The following TRPM1 variants were observed in gnomAD, a reference collection of about 807,000 sequenced individuals.
The protein encoded by TRPM1 is TRPM1-203 APA Isoform, Intron 10.
TRPM1 carries 113 observed loss-of-function variants against 149.4 expected under a neutral mutation model. The ratio of observed to expected loss-of-function variants is 0.76; its 90% CI spans 0.65 to 0.88. The LOEUF is 0.88. Ranked by LOEUF, TRPM1 falls within the 40% of genes least tolerant of loss-of-function variation. The pLI is 0.00. For missense variants in TRPM1, 1,976 were observed against 2,038.7 expected (o/e 0.97, Z 0.59); for synonymous variants, 741 against 759.5 (o/e 0.98, Z 0.40).
intron 1 of TRPM1, among the ~76,000 whole-genome samples, chr15:31,155,626 T>A (rs1192902169): frequency 6.6e-6 from 1 of 152,186 alleles, no homozygotes; most frequent in Non-Finnish European, 1.5e-5. Context: ...CAATTCTGTT[T>A]TACAGATGTT....
chr15:31,066,600 G>A (rs1300069562), intron 6 of TRPM1, among the ~76,000 whole-genome samples: 1 of 152,126 alleles, frequency 6.6e-6, no homozygotes, highest in Non-Finnish European at 1.5e-5. Flanking sequence ...TCCATATCAT[G>A]GGATGTCAGC....
intron 1 of TRPM1, among the ~76,000 whole-genome samples, chr15:31,084,147 A>T (rs1315090004): frequency 6.6e-6 from 1 of 152,182 alleles, no homozygotes; most frequent in East Asian, 1.9e-4. Flanking sequence ...TCCAGGAAAC[A>T]GAGCTGGATC....
At chr15:31,122,915 A>G (rs1164578367) in intron 1 of TRPM1, among the ~76,000 whole-genome samples, 1 of 152,218 alleles carries the variant, frequency 6.6e-6, no homozygotes, top group Non-Finnish European at 1.5e-5. Context: ...CAGAGGACTG[A>G]CCTTACCCAA....
chr15:31,107,547 C>A (rs922695014), intron 1 of TRPM1, among the ~76,000 whole-genome samples: 2 of 151,922 alleles, frequency 1.3e-5, no homozygotes, highest in African/African-American at 4.8e-5. Context: ...TGTTTTTCTA[C>A]GCTTTATTTT....
At chr15:31,138,618 GA>G (rs1185259916) in intron 1 of TRPM1, among the ~76,000 whole-genome samples, 1 of 152,118 alleles carries the variant, frequency 6.6e-6, no homozygotes, top group Non-Finnish European at 1.5e-5. Context: ...AGCACTTTGG[GA>G]GTCCGAGGCA....
At chr15:31,032,613 C>T in intron 22 of TRPM1, 76 bp downstream of exon 22, 1 of 1,568,786 alleles carries the variant, frequency 6.4e-7, no homozygotes, top group Non-Finnish European at 8.8e-7. Flanking sequence ...TTGAAGGAAG[C>T]CATGCCCAAG....
At chr15:31,004,723 T>G (rs1374020820) in intron 27 of TRPM1, among the ~76,000 whole-genome samples, 1 of 152,170 alleles carries the variant, frequency 6.6e-6, no homozygotes, top group African/African-American at 2.4e-5. Flanking sequence ...TTCTCTCTCC[T>G]CTTGCATTTC....
intron 1 of TRPM1, among the ~76,000 whole-genome samples, chr15:31,160,514 T>G (rs1375143899): frequency 6.6e-6 from 1 of 152,128 alleles, no homozygotes; most frequent in Admixed American, 6.5e-5. Flanking sequence ...AAACATCTGA[T>G]GCAGAACAGA....
At chr15:31,010,533 T>C (rs2140876440) in intron 27 of TRPM1, among the ~76,000 whole-genome samples, 1 of 152,234 alleles carries the variant, frequency 6.6e-6, no homozygotes, top group Admixed American at 6.5e-5. Context: ...CTTTGATCTA[T>C]TGATTATTTA....
intron 22 of TRPM1, among the ~76,000 whole-genome samples, chr15:31,031,893 C>T (rs1275286210): frequency 6.6e-6 from 1 of 152,102 alleles, no homozygotes; most frequent in Non-Finnish European, 1.5e-5. Context: ...TGTGTTCACT[C>T]CAGGCCAGAG....
rs1452352925 is a variant in TRPM1, at chr15:31,032,934, T to C, written c.2707A>G (p.Met903Val). 2 of 1,614,098 alleles carry C rather than the reference T, an allele frequency of 1.2e-6. No individual in the cohort carries two copies. Among genetic ancestry groups the C allele is most frequent in the African/African-American group, 1.3e-5 (1 of 74,936 alleles). ...LALEKIREIL[M>V]SEPGKLSQKI... ...TGGCTGAGTTTGCCTGGTTCTGACA[T>C]GAGGATCTGAAAACAAACCCCAAAG... The change falls in exon 22 of 28, where the codon ATG becomes GTG. Residue 903 changes from methionine to valine, a missense_variant. Met to Val is a conservative substitution (Grantham distance 21). Coordinates refer to ENST00000256552, the MANE Select transcript of TRPM1 (RefSeq NM_001252024.2).
chr15:31,027,104 C>G lies in TRPM1; in HGVS notation c.3307G>C (p.Glu1103Gln), dbSNP rs748847764. ...ACCTGGTTGGATATTGATTTTACTTCAAAGAAGGTATTGCTTTAAAAAGAA... is the reference window on the plus strand; with the variant it reads ...ACCTGGTTGGATATTGATTTTACTTGAAAGAAGGTATTGCTTTAAAAAGAA... The part of the protein sequence containing the change: ...LIAVFNNTFF[E>Q]VKSISNQVWK... The change falls in exon 26 of 28, where the codon GAA (glutamate) becomes CAA (glutamine). Residue 1103 changes from glutamate to glutamine, a missense_variant. Physicochemically the swap from Glu to Gln is conservative, Grantham distance 29. This residue lies in a region of TRPM1 where 72 missense variants were observed against 112.7 expected (regional missense o/e 0.64). Coordinates refer to ENST00000256552, the MANE Select transcript of TRPM1 (RefSeq NM_001252024.2). 2.5e-6 allele frequency: 4 copies of G among 1,613,952 alleles called. No individual in the cohort carries two copies. In the Admixed American group the frequency reaches 5.0e-5, roughly 20 times the overall value.
intron 18 of TRPM1, among the ~76,000 whole-genome samples, chr15:31,039,373 T>C (rs1303091358): frequency 1.3e-5 from 2 of 152,214 alleles, no homozygotes; most frequent in Non-Finnish European, 2.9e-5. Context: ...TATATAGAAT[T>C]AGACAGTTAA....
intron 7 of TRPM1, among the ~76,000 whole-genome samples, chr15:31,064,389 C>T (rs73374023): frequency 1.1e-3 from 170 of 152,262 alleles, no homozygotes; most frequent in African/African-American, 4.0e-3. Flanking sequence ...TGGGTACCAA[C>T]TAACTTTTGG....
Position 31,040,178 on chromosome 15 carries a change from C to G in TRPM1, c.2256G>C (p.Gln752His). Reference sequence around the variant, plus strand: ...CCATCCACATATCGGTCAGCAGCATCTGGCTGCAGGTGTGAGCAATGAAGT... The same window carrying G: ...CCATCCACATATCGGTCAGCAGCATGTGGCTGCAGGTGTGAGCAATGAAGT... ...HRDFIAHTCS[Q>H]MLLTDMWMGR... Residue 752 changes from glutamine to histidine, a missense_variant, in exon 18 of 28, where the codon CAG becomes CAC. Gln to His is a conservative substitution (Grantham distance 24). Around this residue, in one of 3 missense-constraint regions of TRPM1, gnomAD observed 1,332 missense variants for 1,347.1 expected, o/e 0.99. Coordinates refer to ENST00000256552, the MANE Select transcript of TRPM1 (RefSeq NM_001252024.2). This position sits in a 1 kb window ranked among gnomAD's most constrained non-coding sequence, Gnocchi z 4.2. 1 of 1,614,222 alleles carries G rather than the reference C, an allele frequency of 6.2e-7. No homozygotes were observed. Among genetic ancestry groups the G allele is most frequent in the Non-Finnish European group, 8.5e-7 (1 of 1,180,038 alleles).
Position 31,142,510 on chromosome 15 carries a change from C to T in TRPM1, c.54+18396G>A, listed in dbSNP as rs548707445. 3.9e-5 allele frequency among the ~76,000 whole-genome samples: 6 copies of T among 152,290 alleles called. No individual in the cohort carries two copies. The South Asian group carries it at 1.0e-3, about 26-fold the overall frequency. On this transcript the variant is annotated intron_variant, in intron 1 of 26. Coordinates refer to the TRPM1 transcript ENST00000542188. ...GTTTTCTTTATTAGGTCATTGATTA[C>T]TTAGGAAAACAGACACTCATCTCTA...
At chr15:31,151,212 T>C (rs2036298840) in intron 1 of TRPM1, among the ~76,000 whole-genome samples, 1 of 152,084 alleles carries the variant, frequency 6.6e-6, no homozygotes, top group Non-Finnish European at 1.5e-5. Flanking sequence ...ACTGCGACAT[T>C]GTGGTGCATT....
At chr15:31,131,830 C>T (rs533792045) in intron 1 of TRPM1, among the ~76,000 whole-genome samples, 3 of 152,048 alleles carry the variant, frequency 2.0e-5, no homozygotes, top group Non-Finnish European at 4.4e-5. Context: ...GCCCCCACCC[C>T]CCTGCTGCCC....
At chr15:31,027,271 T>G (rs1199771865) in intron 25 of TRPM1, among the ~76,000 whole-genome samples, 154 bp from the exon 26 acceptor site, 1 of 152,256 alleles carries the variant, frequency 6.6e-6, no homozygotes, top group Non-Finnish European at 1.5e-5. Context: ...AATCTTTTGG[T>G]TTATCCATCA....
Sources: allele counts gnomAD v4.1 joint callset (sites outside exome capture counted in the v4.1 genomes callset), GRCh38; gene constraint gnomAD v4.1.1; regional missense constraint gnomAD v4.1.1; non-coding constraint Gnocchi (gnomAD v3.1); transcripts MANE v1.5; gene names NCBI Gene and HGNC (gene_info 2026-07-23, HGNC 2026-07-21).